The following FBXW4 variants were observed in gnomAD, a reference collection of about 807,000 sequenced individuals.
FBXW4 encodes F-box and WD repeat domain containing 4.
A neutral mutation model predicts 61.8 loss-of-function variants in FBXW4; 40 were observed. The observed-to-expected ratio is 0.65, with a 90% CI of 0.50 to 0.84. The LOEUF (loss-of-function observed/expected upper bound fraction) is 0.84, where lower values mean the gene tolerates loss of function less well. Among genes scored for constraint, FBXW4 ranks in the 40% least tolerant of loss-of-function variants. FBXW4 has a pLI of 0.00. For synonymous variants in FBXW4, 311 were observed against 313.8 expected (o/e 0.99, Z 0.10); for missense variants, 672 against 753.8 (o/e 0.89, Z 1.27).
Position 101,611,671 on chromosome 10 carries a change from C to T in FBXW4, c.1541G>A (p.Gly514Asp). The T allele has an allele frequency of 6.2e-7, 1 of 1,614,202 alleles. No homozygotes were observed. The highest frequency in any genetic ancestry group is 1.1e-5 in the South Asian group (1 of 91,086). Residue 514 changes from glycine to aspartate, a missense_variant, in exon 8 of 9, where the codon GGT becomes GAT. Around this residue, in one of 5 missense-constraint regions of FBXW4, gnomAD observed 312 missense variants for 370.1 expected, o/e 0.84. Transcript: ENST00000331272. This position sits in a 1 kb window ranked among gnomAD's most constrained non-coding sequence, Gnocchi z 4.9. Reference protein sequence around the residue: ...HLLATGSSYYGVVRLWDRRQR... With the variant: ...HLLATGSSYYDVVRLWDRRQR... The stretch of plus-strand genomic sequence containing the variant: ...ACGCCGGTCCCACAGCCGTACAACA[C>T]CGTAGTAGGAGGAACCTGTGGCCAG...
intron 5 of FBXW4, among the ~76,000 whole-genome samples, chr10:101,646,647 G>A (rs1224534844): frequency 6.6e-6 from 1 of 152,222 alleles, no homozygotes; most frequent in Non-Finnish European, 1.5e-5. Flanking sequence ...TTTGGCACCA[G>A]CTTCCTTCTT....
intron 2 of FBXW4, among the ~76,000 whole-genome samples, chr10:101,674,736 G>C (rs1424516878): frequency 1.3e-5 from 2 of 152,230 alleles, no homozygotes; most frequent in African/African-American, 4.8e-5. Context: ...CAACTGATAA[G>C]AGAAATCCAC....
intron 5 of FBXW4, among the ~76,000 whole-genome samples, chr10:101,643,069 T>G (rs772224076): frequency 1.3e-5 from 2 of 152,222 alleles, no homozygotes; most frequent in Non-Finnish European, 2.9e-5. Context: ...GGCAGGGCTT[T>G]GCCAACAGGA....
chr10:101,659,117 C>T (rs1482157769), intron 5 of FBXW4, among the ~76,000 whole-genome samples: 2 of 152,016 alleles, frequency 1.3e-5, no homozygotes, highest in Non-Finnish European at 2.9e-5. Context: ...GGGCCTCTGT[C>T]GGCCCGTGTC....
intron 5 of FBXW4, among the ~76,000 whole-genome samples, chr10:101,628,597 C>T (rs989315892): frequency 1.3e-5 from 2 of 152,164 alleles, no homozygotes; most frequent in Non-Finnish European, 2.9e-5. Context: ...AAGTTGGTCC[C>T]TCTGCTTCCT....
intron 5 of FBXW4, among the ~76,000 whole-genome samples, chr10:101,649,773 A>T (rs1252696893): frequency 1.3e-5 from 2 of 152,158 alleles, no homozygotes; most frequent in African/African-American, 4.8e-5. Flanking sequence ...CCCCAGGGCC[A>T]CCTCATCTCA....
At chr10:101,689,436 T>C (rs570817653) in intron 1 of FBXW4, among the ~76,000 whole-genome samples, 7 of 152,366 alleles carry the variant, frequency 4.6e-5, no homozygotes, top group African/African-American at 1.7e-4. Flanking sequence ...TGTTTTATTT[T>C]GAACCTGTAA....
chr10:101,689,993 C>T (rs947849065), intron 1 of FBXW4, among the ~76,000 whole-genome samples: 2 of 152,220 alleles, frequency 1.3e-5, no homozygotes, highest in African/African-American at 4.8e-5. Context: ...CACCCAGGTA[C>T]TGCTCAAAGG....
chr10:101,673,154 T>C (rs1421803449), intron 3 of FBXW4, 107 bp from the exon 4 acceptor site: 12 of 1,378,248 alleles, frequency 8.7e-6, no homozygotes, highest in Middle Eastern at 3.7e-4. Flanking sequence ...CCAAATTTGC[T>C]AAGCATTAGA....
chr10:101,647,968 G>A (rs752131168), intron 5 of FBXW4, among the ~76,000 whole-genome samples: 5 of 152,080 alleles, frequency 3.3e-5, no homozygotes, highest in East Asian at 1.9e-4. Context: ...TAACTTGCTC[G>A]GAATCTGCAG....
Position 101,694,434 on chromosome 10 carries a change from G to T in FBXW4, c.672C>A (p.Arg224=), listed in dbSNP as rs1167956779. The T allele has an allele frequency of 2.6e-6, 4 of 1,532,614 alleles. No individual in the cohort carries two copies. The South Asian group carries it at 4.9e-5, about 19-fold the overall frequency. 94.9% of individuals were successfully genotyped at this position (1,532,614 alleles called of 1,614,324 possible). Residue 224 remains arginine, a synonymous_variant, in exon 1 of 9, where the codon CGC becomes CGA. Coordinates refer to ENST00000331272, the MANE Select transcript of FBXW4 (RefSeq NM_022039.4). The surrounding 1 kb of genome is among the most constrained non-coding windows in gnomAD (Gnocchi z 6.0). ...RRFTSCDLLW[R]RIARASLNSG... is the part of the protein sequence containing the mutation. The stretch of plus-strand genomic sequence containing the variant: ...AGTTGAGCGAGGCCCGGGCTATCCG[G>T]CGCCAGAGCAGATCGCAGCTGGTGA...
chr10:101,665,878 G>C (rs1159421629), intron 5 of FBXW4, among the ~76,000 whole-genome samples: 1 of 152,034 alleles, frequency 6.6e-6, no homozygotes, highest in Non-Finnish European at 1.5e-5. Context: ...GTGTTCTTTG[G>C]CTTCAATCCA....
At chr10:101,614,547 A>G (rs922651685) in intron 6 of FBXW4, among the ~76,000 whole-genome samples, 1 of 152,226 alleles carries the variant, frequency 6.6e-6, no homozygotes, top group African/African-American at 2.4e-5. Context: ...CCAAGGGCCC[A>G]GTGAGCACCA....
chr10:101,625,108 C>T, intron 5 of FBXW4: 1 of 412,374 alleles, frequency 2.4e-6, no homozygotes, highest in East Asian at 4.7e-5. Flanking sequence ...CTAGACGTGA[C>T]AAGTTTGAGC....
chr10:101,626,337 A>G (rs1426447752), intron 5 of FBXW4: 4 of 152,670 alleles, frequency 2.6e-5, no homozygotes, highest in East Asian at 3.8e-4. Flanking sequence ...TCCCTCCCCA[A>G]ACATTTTTCT....
At chr10:101,612,014 C>G (rs1029282195) in intron 7 of FBXW4, among the ~76,000 whole-genome samples, 1 of 152,254 alleles carries the variant, frequency 6.6e-6, no homozygotes, top group African/African-American at 2.4e-5. Context: ...TTCACATGGC[C>G]AGCTACTTGT....
In FBXW4 at chr10:101,672,994, G is replaced by A. The variant is rs776953957; in HGVS notation, c.1061C>T (p.Ser354Leu). 6.4e-5 allele frequency: 104 copies of A among 1,613,806 alleles called. No individual in the cohort carries two copies. Among genetic ancestry groups the A allele is most frequent in the Middle Eastern group, 1.6e-4 (1 of 6,084 alleles). Reference sequence around the variant, plus strand: ...ACAGTTCACCTCCTGTTCATGAGCCGAGTACTTGACAGTGAAGGTGCTGTG... The same window carrying A: ...ACAGTTCACCTCCTGTTCATGAGCCAAGTACTTGACAGTGAAGGTGCTGTG... ...KIHSTFTVKYSAHEQEVNCVD... is the reference protein window; with the variant it reads ...KIHSTFTVKYLAHEQEVNCVD... The change falls in exon 4 of 9, where the codon TCG becomes TTG. Residue 354 changes from serine to leucine, a missense_variant. Ser to Leu is a moderately radical substitution (Grantham distance 145). Around this residue, in one of 5 missense-constraint regions of FBXW4, gnomAD observed 312 missense variants for 370.1 expected, o/e 0.84. Coordinates refer to ENST00000331272, the MANE Select transcript of FBXW4 (RefSeq NM_022039.4).
At chr10:101,685,302 T>A (rs1382295986) in intron 1 of FBXW4, among the ~76,000 whole-genome samples, 1 of 152,254 alleles carries the variant, frequency 6.6e-6, no homozygotes, top group African/African-American at 2.4e-5. Flanking sequence ...AATTTAGTCA[T>A]AAATTCCACA....
rs748115362 is a variant in FBXW4, at chr10:101,687,636, A to AT, written c.725+6744dup. 4.6e-5 allele frequency among the ~76,000 whole-genome samples: 7 copies of AT among 152,202 alleles called. No individual in the cohort carries two copies. In the South Asian group the frequency reaches 8.3e-4, roughly 18 times the overall value. ...AAGTTAGGGTTCCTATCAAACTCCT[A>AT]TTCACTATAATTTCCCATCCCTGCC... On this transcript the variant is annotated intron_variant, in intron 1 of 8. Coordinates refer to ENST00000331272, the MANE Select transcript of FBXW4 (RefSeq NM_022039.4).
Sources: allele counts gnomAD v4.1 joint callset (sites outside exome capture counted in the v4.1 genomes callset), GRCh38; gene constraint gnomAD v4.1.1; regional missense constraint gnomAD v4.1.1; non-coding constraint Gnocchi (gnomAD v3.1); transcripts MANE v1.5; gene names NCBI Gene and HGNC (gene_info 2026-07-23, HGNC 2026-07-21).